The following ZCCHC7 variants were observed in gnomAD, a reference collection of about 807,000 sequenced individuals.
ZCCHC7 encodes the protein zinc finger CCHC domain-containing protein 7.
In ZCCHC7, 35 loss-of-function variants were observed where a neutral mutation model predicts 52.0. The observed-to-expected ratio is 0.67, with a 90% CI of 0.51 to 0.89. ZCCHC7 has a LOEUF of 0.89. ZCCHC7 is among the 40% of genes least tolerant of loss of function. The probability of loss-of-function intolerance (pLI) is 0.00; values close to 1 mark genes in which losing one functional copy is unlikely to be tolerated. For synonymous variants in ZCCHC7, 217 were observed against 221.5 expected (o/e 0.98, Z 0.18); for missense variants, 574 against 649.1 (o/e 0.88, Z 1.26).
chr9:37,273,497 C>T lies in ZCCHC7; in HGVS notation c.611-28691C>T, dbSNP rs148367659. Among the ~76,000 whole-genome samples, 104 of 152,130 alleles carry T rather than the reference C, an allele frequency of 6.8e-4. No individual in the cohort carries two copies. In the East Asian group the frequency reaches 0.017, roughly 25 times the overall value. ...CAGCCTGGGCAACAGAGCGAGACTC[C>T]GTCTCGAAAAGAAAAGAAAAAGAAA... On this transcript the variant is annotated intron_variant, in intron 2 of 8. Coordinates refer to ENST00000336755, the MANE Select transcript of ZCCHC7 (RefSeq NM_032226.3).
At chr9:37,339,741 C>T (rs1830835101) in intron 6 of ZCCHC7, among the ~76,000 whole-genome samples, 2 of 152,118 alleles carry the variant, frequency 1.3e-5, no homozygotes, top group East Asian at 1.9e-4. Context: ...AATAGAAACA[C>T]ATAGTGTAGT....
At chr9:37,337,285 T>C (rs1830715897) in intron 6 of ZCCHC7, among the ~76,000 whole-genome samples, 1 of 151,912 alleles carries the variant, frequency 6.6e-6, no homozygotes, top group African/African-American at 2.4e-5. Flanking sequence ...TCATATATGG[T>C]TTTTAAATGC....
chr9:37,233,199 C>A (rs917651055), intron 2 of ZCCHC7, among the ~76,000 whole-genome samples: 3 of 152,148 alleles, frequency 2.0e-5, no homozygotes, highest in Non-Finnish European at 4.4e-5. Flanking sequence ...ATAAGCCATA[C>A]CCACCAGACA....
At chr9:37,220,007 A>G (rs1450242436) in intron 2 of ZCCHC7, among the ~76,000 whole-genome samples, 1 of 152,120 alleles carries the variant, frequency 6.6e-6, no homozygotes, top group African/African-American at 2.4e-5. Flanking sequence ...TTAATAAGGA[A>G]AGAAAGGGTT....
chr9:37,296,101 A>G (rs1016758189), intron 2 of ZCCHC7, among the ~76,000 whole-genome samples: 1 of 152,208 alleles, frequency 6.6e-6, no homozygotes, highest in Non-Finnish European at 1.5e-5. Context: ...GCACCAGCCT[A>G]AATACATTGA....
At chr9:37,189,383 G>T (rs1395308075) in intron 2 of ZCCHC7, among the ~76,000 whole-genome samples, 2 of 152,056 alleles carry the variant, frequency 1.3e-5, no homozygotes, top group Non-Finnish European at 2.9e-5. Context: ...TGTGATGAAT[G>T]TTGAATTCTT....
At chr9:37,338,573 A>T (rs546818333) in intron 6 of ZCCHC7, among the ~76,000 whole-genome samples, 1 of 152,298 alleles carries the variant, frequency 6.6e-6, no homozygotes, top group East Asian at 1.9e-4. Flanking sequence ...GAGATACAGG[A>T]AATATCAAAT....
chr9:37,281,158 G>A (rs755697805), intron 2 of ZCCHC7, among the ~76,000 whole-genome samples: 15 of 152,124 alleles, frequency 9.9e-5, no homozygotes, highest in Non-Finnish European at 1.9e-4. Context: ...TGGGACCACA[G>A]GCGTACATCA....
At chr9:37,241,060 CATT>C (rs576048501) in intron 2 of ZCCHC7, among the ~76,000 whole-genome samples, 11 of 151,766 alleles carry the variant, frequency 7.2e-5, no homozygotes, top group Non-Finnish European at 1.6e-4. Flanking sequence ...TTGGACCTCT[CATT>C]TAATCAAAGG....
At chr9:37,306,294 C>A (rs942825010) in intron 5 of ZCCHC7, among the ~76,000 whole-genome samples, 2 of 151,834 alleles carry the variant, frequency 1.3e-5, no homozygotes, top group Non-Finnish European at 2.9e-5. Flanking sequence ...GTCTCGAACT[C>A]CTGACCTTAG....
chr9:37,274,378 T>C (rs1450092709), intron 2 of ZCCHC7, among the ~76,000 whole-genome samples: 1 of 146,252 alleles, frequency 6.8e-6, no homozygotes, highest in Non-Finnish European at 1.5e-5. Context: ...CTTGCTCTGT[T>C]GCTCAGGCAG....
intron 2 of ZCCHC7, among the ~76,000 whole-genome samples, chr9:37,194,954 T>C (rs1218771140): frequency 4.0e-5 from 6 of 150,632 alleles, no homozygotes; most frequent in Non-Finnish European, 5.9e-5. Flanking sequence ...TTTCTTTTTT[T>C]TTTTTTTTTT....
At chr9:37,238,598 T>A (rs1035092675) in intron 2 of ZCCHC7, among the ~76,000 whole-genome samples, 3 of 152,194 alleles carry the variant, frequency 2.0e-5, no homozygotes, top group Non-Finnish European at 2.9e-5. Context: ...TCCACTTTTT[T>A]AAAAAATGGC....
At chr9:37,302,287 T>A (rs999649911) in intron 3 of ZCCHC7, 56 bp downstream of exon 3, 16 of 1,394,826 alleles carry the variant, frequency 1.1e-5, no homozygotes, top group Middle Eastern at 1.8e-4. Context: ...CTTCATAGTT[T>A]ATTATGATAA....
At chr9:37,169,234 C>T (rs1398916275) in intron 2 of ZCCHC7, among the ~76,000 whole-genome samples, 1 of 152,114 alleles carries the variant, frequency 6.6e-6, no homozygotes, top group Non-Finnish European at 1.5e-5. Flanking sequence ...CTTTCTTAAC[C>T]TCTTTTGAGA....
intron 2 of ZCCHC7, among the ~76,000 whole-genome samples, chr9:37,172,294 T>A (rs1461559409): frequency 1.3e-5 from 2 of 152,224 alleles, no homozygotes; most frequent in African/African-American, 4.8e-5. Context: ...AAATTATCAT[T>A]TGTACTGTTT....
At chr9:37,131,933 C>T (rs992476770) in intron 2 of ZCCHC7, among the ~76,000 whole-genome samples, 3 of 152,188 alleles carry the variant, frequency 2.0e-5, no homozygotes, top group African/African-American at 7.2e-5. Context: ...GTGCCTATTA[C>T]ATATGACTTT....
At chr9:37,333,386 TATAA>T (rs1830523971) in intron 6 of ZCCHC7, among the ~76,000 whole-genome samples, 1 of 151,758 alleles carries the variant, frequency 6.6e-6, no homozygotes, top group Non-Finnish European at 1.5e-5. Flanking sequence ...GAAGTTCTAC[TATAA>T]ATAGTGACTT....
At chr9:37,195,999 T>C (rs1353947898) in intron 2 of ZCCHC7, among the ~76,000 whole-genome samples, 1 of 152,222 alleles carries the variant, frequency 6.6e-6, no homozygotes, top group Non-Finnish European at 1.5e-5. Flanking sequence ...CAGTCCACTT[T>C]AGTTTTAGAT....
Sources: gnomAD v4.1 joint callset for allele counts (sites outside exome capture counted in the v4.1 genomes callset) on GRCh38, gnomAD v4.1.1 for gene constraint, MANE v1.5 for transcripts, NCBI Gene and HGNC (gene_info 2026-07-23, HGNC 2026-07-21) for gene names.